Variants in ACAP2 observed in about 807,000 individuals in gnomAD.
ACAP2 encodes the protein arf-GAP with coiled-coil, ANK repeat and PH domain-containing protein 2.
Under a neutral mutation model 115.8 loss-of-function variants are expected in ACAP2, and 39 were observed. The ratio of observed to expected loss-of-function variants is 0.34; its 90% CI spans 0.26 to 0.44. The LOEUF is 0.44. Ranked by LOEUF, ACAP2 falls within the 20% of genes least tolerant of loss-of-function variation. The probability of loss-of-function intolerance (pLI) is 1.00; values close to 1 mark genes in which losing one functional copy is unlikely to be tolerated. For missense variants in ACAP2, 662 were observed against 927.6 expected, an observed-to-expected ratio of 0.71 and a Z score of 3.72; for synonymous variants, 289 against 315.8, an observed-to-expected ratio of 0.92 and a Z score of 0.90.
chr3:195,305,251 G>T (rs1728346375), intron 13 of ACAP2, among the ~76,000 whole-genome samples: 1 of 152,054 alleles, frequency 6.6e-6, no homozygotes, highest in Non-Finnish European at 1.5e-5. Flanking sequence ...AACACACACG[G>T]ACACAAAAAT....
At chr3:195,285,763 G>C in intron 22 of ACAP2, 33 bp downstream of exon 22, 1 of 1,532,494 alleles carries the variant, frequency 6.5e-7, no homozygotes, top group South Asian at 1.2e-5. Context: ...TTCTTATACT[G>C]CATTTCAGTA....
chr3:195,414,420 T>C (rs1713550665), intron 1 of ACAP2, among the ~76,000 whole-genome samples: 1 of 152,142 alleles, frequency 6.6e-6, no homozygotes, highest in Non-Finnish European at 1.5e-5. Flanking sequence ...ACGAAATACA[T>C]TCTTGCCACA....
chr3:195,356,963 G>A (rs78568042), intron 4 of ACAP2, among the ~76,000 whole-genome samples: 1,545 of 151,784 alleles, frequency 0.01, 30 homozygotes, highest in East Asian at 0.056. Context: ...AAAATAAAGG[G>A]GATTTTGTCT....
intron 1 of ACAP2, among the ~76,000 whole-genome samples, chr3:195,415,282 C>CT (rs60818924): frequency 0.45 from 62,657 of 139,590 alleles, 14,168 homozygotes; most frequent in East Asian, 0.75. Flanking sequence ...CTAAAAAAGT[C>CT]TTTTTTTTTT....
intron 22 of ACAP2, 64 bp downstream of exon 22, chr3:195,285,732 C>G (rs911574603): frequency 7.5e-7 from 1 of 1,330,168 alleles, no homozygotes; most frequent in African/African-American, 1.5e-5. Context: ...CAGTTGTAAA[C>G]TGATAAATTC....
intron 11 of ACAP2, 44 bp from the exon 12 acceptor site, chr3:195,307,367 T>C: frequency 1.7e-6 from 2 of 1,167,322 alleles, no homozygotes; most frequent in Non-Finnish European, 2.5e-6. Flanking sequence ...CACTTAGGTT[T>C]TAATACTACC....
chr3:195,429,301 C>T (rs1283070812), intron 1 of ACAP2, among the ~76,000 whole-genome samples: 1 of 148,178 alleles, frequency 6.7e-6, no homozygotes, highest in Non-Finnish European at 1.5e-5. Context: ...GGCAGGAGAA[C>T]AGCTTGAACC....
At chr3:195,349,468 GC>G (rs1315103286) in intron 4 of ACAP2, among the ~76,000 whole-genome samples, 1 of 151,976 alleles carries the variant, frequency 6.6e-6, no homozygotes, top group Non-Finnish European at 1.5e-5. Context: ...AGCAACAGGA[GC>G]GAAACTCCAT....
chr3:195,425,214 CAG>C (rs566972459), intron 1 of ACAP2, among the ~76,000 whole-genome samples: 186 of 152,108 alleles, frequency 1.2e-3, no homozygotes, highest in African/African-American at 4.1e-3. Context: ...TTAGACTAGT[CAG>C]AGTCTCTCAA....
intron 7 of ACAP2, among the ~76,000 whole-genome samples, chr3:195,335,087 T>C (rs552823210): frequency 6.6e-6 from 1 of 152,312 alleles, no homozygotes; most frequent in Admixed American, 6.5e-5. Flanking sequence ...TGAAAATATA[T>C]GAAATTTATG....
chr3:195,417,301 A>C (rs1713814874), intron 1 of ACAP2, among the ~76,000 whole-genome samples: 1 of 151,784 alleles, frequency 6.6e-6, no homozygotes, highest in Non-Finnish European at 1.5e-5. Context: ...CTCTACCTGA[A>C]TGTACCATGC....
chr3:195,321,178 C>T, intron 9 of ACAP2, among the ~76,000 whole-genome samples: 1 of 149,516 alleles, frequency 6.7e-6, no homozygotes, highest in Non-Finnish European at 1.5e-5. Context: ...AAATACTACA[C>T]AGGGTATGAC....
At chr3:195,439,788 G>A (rs1470947031) in intron 1 of ACAP2, among the ~76,000 whole-genome samples, 3 of 151,632 alleles carry the variant, frequency 2.0e-5, no homozygotes, top group Admixed American at 6.6e-5. Flanking sequence ...TACCACACCC[G>A]GCTAATTTTT....
chr3:195,404,926 T>G (rs889939698), intron 1 of ACAP2, among the ~76,000 whole-genome samples: 1 of 151,638 alleles, frequency 6.6e-6, no homozygotes, highest in Admixed American at 6.6e-5. Flanking sequence ...GCCTCCTGAG[T>G]AGCTGGGATT....
chr3:195,379,794 A>AC (rs1450495252), intron 4 of ACAP2, among the ~76,000 whole-genome samples: 6 of 152,216 alleles, frequency 3.9e-5, no homozygotes, highest in Non-Finnish European at 2.9e-5. Context: ...ACAGAGTGAG[A>AC]CCCCATCTCT....
At chr3:195,306,442 T>C (rs966093643) in intron 13 of ACAP2, 69 bp downstream of exon 13, 1 of 902,020 alleles carries the variant, frequency 1.1e-6, no homozygotes, top group Non-Finnish European at 1.7e-6. Flanking sequence ...CATACAGTCA[T>C]ATAACGTTGC....
intron 10 of ACAP2, among the ~76,000 whole-genome samples, chr3:195,314,521 G>A (rs6762437): frequency 0.013 from 2,037 of 152,108 alleles, 35 homozygotes; most frequent in African/African-American, 0.044. Context: ...TGCCCACCTC[G>A]GCCTCCCAAA....
At chr3:195,396,424 T>C (rs1711779537) in intron 1 of ACAP2, among the ~76,000 whole-genome samples, 1 of 152,096 alleles carries the variant, frequency 6.6e-6, no homozygotes, top group South Asian at 2.1e-4. Context: ...AGAGTATACA[T>C]TAAAATAACT....
At chr3:195,436,551 C>T (rs1715555908) in intron 1 of ACAP2, among the ~76,000 whole-genome samples, 1 of 152,138 alleles carries the variant, frequency 6.6e-6, no homozygotes, top group Admixed American at 6.6e-5. Flanking sequence ...TTACTTTCAA[C>T]CTATTTATGT....
Sources: allele counts gnomAD v4.1 joint callset (sites outside exome capture counted in the v4.1 genomes callset), GRCh38; gene constraint gnomAD v4.1.1; transcripts MANE v1.5; gene names NCBI Gene and HGNC (gene_info 2026-07-23, HGNC 2026-07-21).